NRXN3: variants seen among roughly 807,000 people sequenced by gnomAD.
NRXN3 encodes the protein neurexin 3, also known as neurexin III.
A neutral mutation model predicts 137.6 loss-of-function variants in NRXN3; 32 were observed. The ratio of observed to expected loss-of-function variants is 0.23; its 90% CI spans 0.18 to 0.31. The LOEUF (loss-of-function observed/expected upper bound fraction) is 0.31, where lower values mean the gene tolerates loss of function less well. Ranked by LOEUF, NRXN3 falls within the 10% of genes least tolerant of loss-of-function variation. NRXN3 has a pLI of 1.00. For synonymous variants in NRXN3, 798 were observed against 784.5 expected, an observed-to-expected ratio of 1.02 and a Z score of -0.29; for missense variants, 1,574 against 2,062.5, an observed-to-expected ratio of 0.76 and a Z score of 4.59.
intron 4 of NRXN3, among the ~76,000 whole-genome samples, chr14:78,349,734 C>T (rs1239222536): frequency 6.6e-6 from 1 of 152,170 alleles, no homozygotes; most frequent in African/African-American, 2.4e-5. Flanking sequence ...CATAGACACT[C>T]AATATAGGAT....
intron 16 of NRXN3, among the ~76,000 whole-genome samples, chr14:79,503,158 C>T (rs934826170): frequency 2.6e-5 from 4 of 152,192 alleles, no homozygotes; most frequent in Middle Eastern, 6.8e-3. Flanking sequence ...ATTTTTCCCT[C>T]TGTGTTTTAT....
chr14:78,764,636 C>G (rs958141980), intron 8 of NRXN3, among the ~76,000 whole-genome samples: 2 of 152,154 alleles, frequency 1.3e-5, no homozygotes, highest in Non-Finnish European at 2.9e-5. Context: ...TCTTTTCTCA[C>G]GTTGCCAAAG....
Position 79,663,909 on chromosome 14 carries a change from G to A in NRXN3, c.3576G>A (p.Leu1192=), listed in dbSNP as rs941033302. The part of the protein sequence containing the change: ...RFTRNGGNAT[L]QVDNWPVNEH... ...CCAGGAACGGCGGCAACGCCACCCT[G>A]CAGGTGGACAACTGGCCAGTGAATG... The change falls in exon 17 of 21, where the codon CTG becomes CTA. Residue 1192 remains leucine (L), a synonymous_variant. Transcript: ENST00000335750. 25 of 1,613,558 alleles carry A rather than the reference G, an allele frequency of 1.5e-5. No homozygotes were observed. The highest frequency in any genetic ancestry group is 1.7e-4 in the Middle Eastern group (1 of 6,052).
At chr14:79,497,388 G>A (rs892411715) in intron 16 of NRXN3, among the ~76,000 whole-genome samples, 13 of 151,998 alleles carry the variant, frequency 8.6e-5, no homozygotes, top group Admixed American at 3.3e-4. Context: ...CCCAGATACC[G>A]TTGTATGGCC....
intron 2 of NRXN3, among the ~76,000 whole-genome samples, chr14:78,245,894 C>T (rs1216290337): frequency 1.3e-5 from 2 of 152,138 alleles, no homozygotes; most frequent in African/African-American, 4.8e-5. Context: ...AAGAGGCAAC[C>T]CCAGTCTACA....
rs1354960562 is a variant in NRXN3, at chr14:78,920,384, AT to A, written c.2276-36854del. Among the ~76,000 whole-genome samples, 4 of 152,214 alleles carry A rather than the reference AT, an allele frequency of 2.6e-5. No individual in the cohort carries two copies. The East Asian group carries it at 7.7e-4, about 29-fold the overall frequency. ...ACCCCGGAAAATACTGGAAATTTTT[AT>A]TTTAGTTTTACTTGAAAAAAGTATA... On this transcript the variant is annotated intron_variant, in intron 10 of 20. Transcript: ENST00000335750.
intron 2 of NRXN3, among the ~76,000 whole-genome samples, chr14:78,247,139 T>A (rs906718194): frequency 1.3e-5 from 2 of 152,200 alleles, no homozygotes; most frequent in South Asian, 4.1e-4. Context: ...CCAGCCCCCC[T>A]GCGGTGTTGC....
intron 20 of NRXN3, among the ~76,000 whole-genome samples, chr14:79,827,062 G>A (rs1013450): frequency 0.91 from 138,615 of 152,264 alleles, 63,137 homozygotes; most frequent in East Asian, 1. Flanking sequence ...CATTTACTGT[G>A]TGCTAAGCAC....
chr14:79,534,016 G>A (rs1273149555), intron 16 of NRXN3, among the ~76,000 whole-genome samples: 4 of 152,188 alleles, frequency 2.6e-5, no homozygotes, highest in African/African-American at 9.7e-5. Flanking sequence ...TAAGGCGAAA[G>A]TCTAGAATTG....
At chr14:79,657,209 T>C (rs1053654363) in intron 16 of NRXN3, among the ~76,000 whole-genome samples, 5 of 152,174 alleles carry the variant, frequency 3.3e-5, no homozygotes, top group African/African-American at 1.2e-4. Context: ...GCTTGAGCCA[T>C]GGATAGTTGA....
At chr14:79,513,980 A>G (rs2096957710) in intron 16 of NRXN3, among the ~76,000 whole-genome samples, 1 of 152,224 alleles carries the variant, frequency 6.6e-6, no homozygotes, top group Non-Finnish European at 1.5e-5. Flanking sequence ...ATCGTAAAGC[A>G]ATATATAGAG....
chr14:79,388,103 A>AAT (rs927435418), intron 15 of NRXN3, among the ~76,000 whole-genome samples: 2 of 67,884 alleles, frequency 2.9e-5, no homozygotes, highest in African/African-American at 5.0e-5. Context: ...AAAGTATAAT[A>AAT]AAAAAAAAAG....
chr14:78,190,953 C>A (rs929455387), intron 1 of NRXN3, among the ~76,000 whole-genome samples: 5 of 152,158 alleles, frequency 3.3e-5, no homozygotes, highest in Admixed American at 6.5e-5. Flanking sequence ...GGATTACAGG[C>A]ATGAGCTGCT....
chr14:78,586,711 G>A (rs955824577), intron 4 of NRXN3, among the ~76,000 whole-genome samples: 1 of 152,136 alleles, frequency 6.6e-6, no homozygotes, highest in Non-Finnish European at 1.5e-5. Context: ...GACCCTGACC[G>A]TGTACACCCT....
At chr14:78,640,933 T>C (rs1320521635) in intron 4 of NRXN3, among the ~76,000 whole-genome samples, 1 of 152,226 alleles carries the variant, frequency 6.6e-6, no homozygotes, top group Non-Finnish European at 1.5e-5. Context: ...GCCTCCTCTC[T>C]TGCCAAGCTA....
At chr14:79,216,335 C>T (rs1018175244) in intron 15 of NRXN3, among the ~76,000 whole-genome samples, 1 of 152,134 alleles carries the variant, frequency 6.6e-6, no homozygotes, top group African/African-American at 2.4e-5. Context: ...AGCTGCATTG[C>T]CTTTTCTGAC....
At chr14:79,126,590 T>G (rs1173183400) in intron 15 of NRXN3, among the ~76,000 whole-genome samples, 1 of 152,166 alleles carries the variant, frequency 6.6e-6, no homozygotes, top group Non-Finnish European at 1.5e-5. Flanking sequence ...GACATTTGGG[T>G]TGGTTCCAAG....
intron 15 of NRXN3, among the ~76,000 whole-genome samples, chr14:79,179,465 A>G (rs1025036593): frequency 1.3e-5 from 2 of 152,210 alleles, no homozygotes; most frequent in Non-Finnish European, 2.9e-5. Context: ...TGGCTCTCAA[A>G]GTGTAGTCCC....
chr14:78,510,125 CT>C (rs1303947090), intron 4 of NRXN3, among the ~76,000 whole-genome samples: 5 of 151,064 alleles, frequency 3.3e-5, no homozygotes, highest in Non-Finnish European at 7.4e-5. Flanking sequence ...AGACAGAGAA[CT>C]TGGGTTTGAA....
Sources: gnomAD v4.1 joint callset for allele counts (sites outside exome capture counted in the v4.1 genomes callset) on GRCh38, gnomAD v4.1.1 for gene constraint, MANE v1.5 for transcripts, NCBI Gene and HGNC (gene_info 2026-07-23, HGNC 2026-07-21) for gene names.